Variants in RAB3C observed in about 807,000 individuals in gnomAD.
RAB3C encodes the protein ras-related protein Rab-3C.
In RAB3C, 17 loss-of-function variants were observed where a neutral mutation model predicts 26.4. That is an observed-to-expected ratio of 0.64 (90% CI 0.44 to 0.97). The LOEUF is 0.97. Among genes scored for constraint, RAB3C ranks in the 50% least tolerant of loss-of-function variants. The pLI is 0.00. For missense variants in RAB3C, 242 were observed against 281.9 expected (o/e 0.86, Z 1.01); for synonymous variants, 91 against 95.9 (o/e 0.95, Z 0.30).
At chr5:58,803,854 T>C (rs538106823) in intron 3 of RAB3C, among the ~76,000 whole-genome samples, 3 of 151,752 alleles carry the variant, frequency 2.0e-5, no homozygotes, top group African/African-American at 7.3e-5. Context: ...AGGTCAGGAG[T>C]TCGAGACCAG....
chr5:58,751,286 A>G (rs1741518370), intron 3 of RAB3C, among the ~76,000 whole-genome samples: 1 of 152,242 alleles, frequency 6.6e-6, no homozygotes, highest in Non-Finnish European at 1.5e-5. Context: ...AGAATTGAGA[A>G]GTATTGTTTT....
At position 58,627,515 on chromosome 5, in the gene RAB3C, A is replaced by AAAAAAAAAAAAAAAAAC. The variant is rs1325212744; in HGVS notation, c.252+9649_252+9650insAAAAAAAAAAAACAAAA. 6.4e-4 allele frequency among the ~76,000 whole-genome samples: 39 copies of AAAAAAAAAAAAAAAAAC among 60,570 alleles called. 6 individuals carry two copies. The highest frequency in any genetic ancestry group is 1.2e-3 in the Non-Finnish European group (36 of 30,326). 39.7% of individuals were successfully genotyped at this position (60,570 alleles called of 152,430 possible). ...AAAAAAAAAAAAAAAAAAAAAAAAAAAAAACACAGCTTAAATTCGGTGCAA... is the reference window on the plus strand; with the variant it reads ...AAAAAAAAAAAAAAAAAAAAAAAAAAAAAAAAAAAAAAAAAACAAAACACAGCTTAAATTCGGTGCAA... On this transcript the variant is annotated intron_variant, in intron 2 of 4. Coordinates refer to ENST00000282878, the MANE Select transcript of RAB3C (RefSeq NM_138453.4).
intron 1 of RAB3C, among the ~76,000 whole-genome samples, chr5:58,601,543 G>T (rs895330427): frequency 1.3e-5 from 2 of 151,816 alleles, no homozygotes; most frequent in African/African-American, 4.8e-5. Flanking sequence ...GTCTGTTCAG[G>T]GTATCTGATT....
intron 4 of RAB3C, among the ~76,000 whole-genome samples, chr5:58,849,018 C>T (rs898261141): frequency 4.6e-5 from 7 of 152,142 alleles, no homozygotes; most frequent in Admixed American, 2.0e-4. Context: ...CTTCTGAGAT[C>T]AAAGATAATT....
At chr5:58,730,665 A>G (rs968099824) in intron 3 of RAB3C, among the ~76,000 whole-genome samples, 1 of 152,150 alleles carries the variant, frequency 6.6e-6, no homozygotes, top group African/African-American at 2.4e-5. Context: ...TTCAGAAAGA[A>G]AAAAAAGCTT....
At chr5:58,717,950 T>C (rs1421622267) in intron 2 of RAB3C, among the ~76,000 whole-genome samples, 1 of 152,186 alleles carries the variant, frequency 6.6e-6, no homozygotes, top group Admixed American at 6.5e-5. Context: ...CTGGTTTGAG[T>C]CTTAGTTGCC....
At chr5:58,631,423 A>G (rs1579827304) in intron 2 of RAB3C, among the ~76,000 whole-genome samples, 1 of 152,236 alleles carries the variant, frequency 6.6e-6, no homozygotes, top group South Asian at 2.1e-4. Context: ...TAAATGTTCA[A>G]TTACATGAAG....
intron 2 of RAB3C, among the ~76,000 whole-genome samples, chr5:58,654,248 T>C (rs1390066352): frequency 6.6e-6 from 1 of 152,144 alleles, no homozygotes; most frequent in Non-Finnish European, 1.5e-5. Flanking sequence ...GAGTGTGCAA[T>C]GTACCCAAGG....
intron 2 of RAB3C, among the ~76,000 whole-genome samples, chr5:58,681,293 A>G (rs1041882289): frequency 6.6e-6 from 1 of 152,212 alleles, no homozygotes; most frequent in Non-Finnish European, 1.5e-5. Context: ...GACTTCCACA[A>G]TCATTACAGA....
At chr5:58,626,086 T>A (rs1230558228) in intron 2 of RAB3C, among the ~76,000 whole-genome samples, 5 of 152,124 alleles carry the variant, frequency 3.3e-5, no homozygotes, top group Non-Finnish European at 5.9e-5. Context: ...TCTGATGATG[T>A]TTTCTGTATA....
chr5:58,784,351 G>A (rs796471739), intron 3 of RAB3C, among the ~76,000 whole-genome samples: 4 of 152,218 alleles, frequency 2.6e-5, no homozygotes, highest in African/African-American at 7.2e-5. Flanking sequence ...GGCGGAAGAC[G>A]AATGAGAAGC....
Position 58,617,612 on chromosome 5 carries a change from T to C in RAB3C, c.25-31T>C, listed in dbSNP as rs771355246. The C allele has an allele frequency of 2.6e-6, 4 of 1,510,964 alleles. No homozygotes were observed. The Admixed American group carries it at 6.7e-5, about 25-fold the overall frequency. 93.6% of individuals were successfully genotyped at this position (1,510,964 alleles called of 1,614,324 possible). A position where few individuals can be genotyped will look rare whatever the true frequency, so the allele number is the denominator to read the frequency against. ...AATGAGAGTCTGATCTACACCTATT[T>C]TGTTTTTGTTTTGTTTTGTTTTTAT... On this transcript the variant is annotated intron_variant, in intron 1 of 4. Coordinates refer to ENST00000282878, the MANE Select transcript of RAB3C (RefSeq NM_138453.4).
rs1313826892 is a variant in RAB3C, at chr5:58,617,022, A to G, written c.25-621A>G. 5.3e-5 allele frequency among the ~76,000 whole-genome samples: 8 copies of G among 152,112 alleles called. No individual in the cohort carries two copies. The South Asian group carries it at 1.2e-3, about 24-fold the overall frequency. On this transcript the variant is annotated intron_variant, in intron 1 of 4. Coordinates refer to ENST00000282878, the MANE Select transcript of RAB3C (RefSeq NM_138453.4). ...TTTCTCATTTTAATATGGAAATATT[A>G]AAAGTACCCATCTCATTGGGTTACT... is the stretch of plus-strand genomic sequence containing the variant.
chr5:58,668,024 G>T (rs1179436445), intron 2 of RAB3C, among the ~76,000 whole-genome samples: 2 of 152,122 alleles, frequency 1.3e-5, no homozygotes, highest in Admixed American at 1.3e-4. Context: ...TGTAACTTGG[G>T]TGTAAACTAT....
At chr5:58,739,476 A>G (rs1009663918) in intron 3 of RAB3C, among the ~76,000 whole-genome samples, 42 of 152,326 alleles carry the variant, frequency 2.8e-4, no homozygotes, top group Non-Finnish European at 8.8e-5. Context: ...CCTAGTTATC[A>G]ATTACGAACC....
intron 3 of RAB3C, among the ~76,000 whole-genome samples, chr5:58,771,960 T>C (rs980976918): frequency 6.6e-6 from 1 of 151,916 alleles, no homozygotes; most frequent in Non-Finnish European, 1.5e-5. Flanking sequence ...AGAGAAGGCT[T>C]GGTAAACTCA....
At chr5:58,658,382 G>A (rs1484891124) in intron 2 of RAB3C, among the ~76,000 whole-genome samples, 2 of 152,146 alleles carry the variant, frequency 1.3e-5, no homozygotes, top group South Asian at 4.1e-4. Flanking sequence ...AGACGATGGG[G>A]TTTTCTAGAT....
intron 2 of RAB3C, among the ~76,000 whole-genome samples, chr5:58,674,615 A>G (rs1018317246): frequency 6.6e-6 from 1 of 152,240 alleles, no homozygotes; most frequent in Non-Finnish European, 1.5e-5. Context: ...GGTCAATACA[A>G]TACAATAATG....
chr5:58,723,248 T>C (rs935732194), intron 2 of RAB3C, among the ~76,000 whole-genome samples: 5 of 151,844 alleles, frequency 3.3e-5, no homozygotes, highest in African/African-American at 1.2e-4. Flanking sequence ...TTCTGAAAGA[T>C]CTTCCTCACC....
Sources: allele counts gnomAD v4.1 joint callset (sites outside exome capture counted in the v4.1 genomes callset), GRCh38; gene constraint gnomAD v4.1.1; transcripts MANE v1.5; gene names NCBI Gene and HGNC (gene_info 2026-07-23, HGNC 2026-07-21).